Variants in NGEF observed in about 807,000 individuals in gnomAD.
The protein encoded by NGEF is ephexin-1.
A neutral mutation model predicts 80.9 loss-of-function variants in NGEF; 31 were observed. That is an observed-to-expected ratio of 0.38 (90% CI 0.29 to 0.52). The LOEUF (loss-of-function observed/expected upper bound fraction) is 0.52. NGEF is among the 20% of genes least tolerant of loss of function. The pLI, the probability that NGEF is intolerant of heterozygous loss-of-function variation, is 0.84. For synonymous variants in NGEF, 371 were observed against 370.2 expected (o/e 1.00, Z -0.03); for missense variants, 709 against 926.2 (o/e 0.77, Z 3.04).
intron 8 of NGEF, chr2:232,890,804 T>A: frequency 2.4e-6 from 1 of 423,610 alleles, no homozygotes; most frequent in South Asian, 1.8e-5. Flanking sequence ...GTGGGTCCGA[T>A]CAGGTGACTC....
intron 1 of NGEF, among the ~76,000 whole-genome samples, chr2:232,985,958 GA>G (rs917227662): frequency 9.4e-5 from 14 of 148,658 alleles, no homozygotes; most frequent in Admixed American, 7.4e-4. Flanking sequence ...AAAGAAAAAA[GA>G]AAAAAAAAGA....
intron 1 of NGEF, among the ~76,000 whole-genome samples, chr2:233,003,642 T>G (rs1695027519): frequency 6.6e-6 from 1 of 152,094 alleles, no homozygotes; most frequent in Admixed American, 6.5e-5. Context: ...ATCCATCGGC[T>G]CCTTTCTCTT....
chr2:232,953,097 T>A (rs1693713889), intron 3 of NGEF, among the ~76,000 whole-genome samples: 1 of 150,842 alleles, frequency 6.6e-6, no homozygotes, highest in Non-Finnish European at 1.5e-5. Context: ...AGGTCAGATG[T>A]TCGAGACCAG....
At chr2:232,926,012 T>A (rs1693057675) in intron 4 of NGEF, among the ~76,000 whole-genome samples, 1 of 151,810 alleles carries the variant, frequency 6.6e-6, no homozygotes, top group Non-Finnish European at 1.5e-5. Flanking sequence ...CGGGCTCAGT[T>A]TAGAAAGATC....
intron 5 of NGEF, among the ~76,000 whole-genome samples, chr2:232,899,715 G>C (rs1352486965): frequency 1.8e-4 from 14 of 79,486 alleles, no homozygotes; most frequent in Non-Finnish European, 3.3e-4. Context: ...CACGCTCTCA[G>C]TCACTCATAT....
intron 9 of NGEF, among the ~76,000 whole-genome samples, chr2:232,886,372 G>C (rs1385440112): frequency 1.3e-5 from 2 of 151,690 alleles, no homozygotes; most frequent in African/African-American, 4.8e-5. Flanking sequence ...TGTGCGGTGT[G>C]TATTGTGTGT....
chr2:232,930,964 A>G (rs1439210504), intron 3 of NGEF, among the ~76,000 whole-genome samples: 2 of 152,248 alleles, frequency 1.3e-5, no homozygotes, highest in Non-Finnish European at 2.9e-5. Flanking sequence ...GTGACACCCA[A>G]GGTGTGATTT....
At chr2:233,011,388 A>G (rs537675303) in intron 1 of NGEF, among the ~76,000 whole-genome samples, 1 of 152,198 alleles carries the variant, frequency 6.6e-6, no homozygotes, top group Non-Finnish European at 1.5e-5. Flanking sequence ...GGGAGACGGG[A>G]TGTCCGACTT....
chr2:232,913,141 A>G (rs1692723997), intron 5 of NGEF, among the ~76,000 whole-genome samples: 1 of 152,152 alleles, frequency 6.6e-6, no homozygotes, highest in South Asian at 2.1e-4. Context: ...AATGCTATAA[A>G]TCTCCTTCGA....
intron 5 of NGEF, chr2:232,901,526 G>T: frequency 1.2e-6 from 1 of 834,506 alleles, no homozygotes; most frequent in Non-Finnish European, 1.4e-6. Context: ...CGTCACCAGG[G>T]TGACATCTGC....
At chr2:232,961,896 G>A (rs557575129) in intron 3 of NGEF, among the ~76,000 whole-genome samples, 8 of 152,330 alleles carry the variant, frequency 5.3e-5, no homozygotes, top group South Asian at 2.1e-4. Flanking sequence ...AAGCAGAGAA[G>A]CAGGACAACA....
intron 1 of NGEF, among the ~76,000 whole-genome samples, chr2:232,993,755 T>C (rs1473948873): frequency 6.6e-6 from 1 of 152,232 alleles, no homozygotes; most frequent in African/African-American, 2.4e-5. Context: ...AAATTGTTCA[T>C]ACACGCTACA....
chr2:232,884,236 A>G, intron 10 of NGEF, 92 bp from the exon 11 acceptor site: 2 of 1,345,504 alleles, frequency 1.5e-6, no homozygotes, highest in Non-Finnish European at 2.0e-6. Context: ...ATTCCCTGAC[A>G]CCTGCCCAGG....
At chr2:233,004,291 G>A (rs1695042130) in intron 1 of NGEF, among the ~76,000 whole-genome samples, 2 of 151,994 alleles carry the variant, frequency 1.3e-5, no homozygotes, top group African/African-American at 2.4e-5. Context: ...CCTCTGCTCT[G>A]CTTCCCAATG....
intron 1 of NGEF, among the ~76,000 whole-genome samples, chr2:233,002,775 G>A (rs1044463467): frequency 2.6e-5 from 4 of 152,192 alleles, no homozygotes; most frequent in African/African-American, 4.8e-5. Flanking sequence ...GTTTCTGTTC[G>A]GAGCTAAGCC....
intron 3 of NGEF, chr2:232,928,058 C>T: frequency 8.6e-7 from 1 of 1,159,464 alleles, no homozygotes; most frequent in African/African-American, 1.6e-5. Flanking sequence ...GGGCCCTGGG[C>T]TGGGTCGGGG....
intron 1 of NGEF, among the ~76,000 whole-genome samples, chr2:232,993,982 G>A (rs1694726151): frequency 6.6e-6 from 1 of 152,122 alleles, no homozygotes; most frequent in Non-Finnish European, 1.5e-5. Flanking sequence ...GTGAGAAAAT[G>A]TTCTAAAATG....
Position 232,969,453 on chromosome 2 carries a change from CCTTCCTTCCTTCCTTCCTT to C in NGEF, c.383+742_383+760del, listed in dbSNP as rs1190744651. Among the ~76,000 whole-genome samples, 91 of 80,422 alleles carry C rather than the reference CCTTCCTTCCTTCCTTCCTT, an allele frequency of 1.1e-3. 1 individual carries two copies. In the South Asian group the frequency reaches 0.016, roughly 14 times the overall value. 52.8% of individuals were successfully genotyped at this position (80,422 alleles called of 152,430 possible). ...TCTCCCTCCCTCCCTCCCTCCCCTT[CCTTCCTTCCTTCCTTCCTT>C]CTTCCTTCCTTCCTTCCTCCCTCCC... On this transcript the variant is annotated intron_variant, in intron 3 of 14. Transcript: ENST00000264051.
intron 9 of NGEF, among the ~76,000 whole-genome samples, chr2:232,885,808 G>C (rs1467275978): frequency 6.6e-6 from 1 of 152,212 alleles, no homozygotes; most frequent in Non-Finnish European, 1.5e-5. Context: ...GACACATGGG[G>C]CCCGGCACAG....
Sources: gnomAD v4.1 joint callset for allele counts (sites outside exome capture counted in the v4.1 genomes callset) on GRCh38, gnomAD v4.1.1 for gene constraint, MANE v1.5 for transcripts, NCBI Gene and HGNC (gene_info 2026-07-23, HGNC 2026-07-21) for gene names.